The following LGALS3 variants were observed in gnomAD, a reference collection of about 807,000 sequenced individuals.
The protein encoded by LGALS3 is galectin 3, also known as galectin-3.
In LGALS3, 18 loss-of-function variants were observed where a neutral mutation model predicts 20.7. The ratio of observed to expected loss-of-function variants is 0.87; its 90% confidence interval spans 0.60 to 1.29. The LOEUF (loss-of-function observed/expected upper bound fraction) is 1.29, where lower values mean the gene tolerates loss of function less well. LGALS3 is among the 50% of genes most tolerant of loss of function. The probability of loss-of-function intolerance (pLI) is 0.00; values close to 1 mark genes in which losing one functional copy is unlikely to be tolerated. For synonymous variants in LGALS3, 112 were observed against 119.6 expected (o/e 0.94, Z 0.42); for missense variants, 315 against 314.7 (o/e 1.00, Z -0.01).
chr14:55,139,974 G>A (rs1442453533), intron 3 of LGALS3, among the ~76,000 whole-genome samples: 1 of 152,168 alleles, frequency 6.6e-6, no homozygotes, highest in African/African-American at 2.4e-5. Context: ...ATACAAAAAT[G>A]TTAATGTTGA....
At chr14:55,137,472 T>C in intron 2 of LGALS3, 81 bp downstream of exon 2, 1 of 1,613,878 alleles carries the variant, frequency 6.2e-7, no homozygotes, top group Non-Finnish European at 8.5e-7. Context: ...ACCATGACTT[T>C]CCCTTTTCAC....
intron 5 of LGALS3, among the ~76,000 whole-genome samples, chr14:55,144,833 G>A (rs954074610): frequency 3.9e-5 from 6 of 152,128 alleles, no homozygotes; most frequent in Admixed American, 1.3e-4. Context: ...CAAAGTGCTG[G>A]GATTACAGGC....
intron 1 of LGALS3, among the ~76,000 whole-genome samples, chr14:55,130,312 C>G (rs1881188226): frequency 6.6e-6 from 1 of 152,192 alleles, no homozygotes; most frequent in Non-Finnish European, 1.5e-5. Flanking sequence ...CAGCCTTACC[C>G]TTCAAGTTCG....
intron 1 of LGALS3, among the ~76,000 whole-genome samples, chr14:55,132,655 C>A (rs1362835814): frequency 3.9e-5 from 6 of 152,134 alleles, no homozygotes; most frequent in Admixed American, 3.3e-4. Flanking sequence ...GCAACCTCTG[C>A]CTCCCGGGTT....
At chr14:55,132,922 A>G (rs371559954) in intron 1 of LGALS3, among the ~76,000 whole-genome samples, 23 of 152,334 alleles carry the variant, frequency 1.5e-4, no homozygotes, top group African/African-American at 5.5e-4. Flanking sequence ...GGCATACCCA[A>G]TTTTTGGAAA....
chr14:55,129,806 C>T lies in LGALS3; in HGVS notation c.-5+506C>T, dbSNP rs1018325373. Among the ~76,000 whole-genome samples, 7 of 152,216 alleles carry T rather than the reference C, an allele frequency of 4.6e-5. No homozygotes were observed. Among genetic ancestry groups the T allele is most frequent in the African/African-American group, 1.7e-4 (7 of 41,456 alleles). On this transcript the variant is annotated intron_variant, in intron 1 of 5. Coordinates refer to ENST00000254301, the MANE Select transcript of LGALS3 (RefSeq NM_002306.4). The surrounding 1 kb of genome is among the most constrained non-coding windows in gnomAD (Gnocchi z 5.3). ...GTCACCCTTCCCCAGATCACGGCCG[C>T]GGGGGAGCGAAGGGACTTCCCAGGA... is the stretch of plus-strand genomic sequence containing the variant.
intron 1 of LGALS3, among the ~76,000 whole-genome samples, chr14:55,132,315 T>C (rs574731654): frequency 2.9e-4 from 44 of 152,192 alleles, no homozygotes; most frequent in East Asian, 7.7e-4. Context: ...TTTTTTTTTT[T>C]CCCCTCTGAC....
chr14:55,134,580 C>G (rs894293998), intron 1 of LGALS3, among the ~76,000 whole-genome samples: 32 of 152,116 alleles, frequency 2.1e-4, no homozygotes, highest in African/African-American at 7.2e-4. Flanking sequence ...TTTTCCTTTT[C>G]TGTAACAACT....
intron 1 of LGALS3, among the ~76,000 whole-genome samples, chr14:55,131,373 T>C (rs190233052): frequency 4.6e-5 from 7 of 152,372 alleles, no homozygotes; most frequent in East Asian, 1.9e-4. Context: ...AAGAGGCTAA[T>C]GCTGGTCTCA....
At chr14:55,138,475 G>C (rs748313605) in intron 3 of LGALS3, 107 bp downstream of exon 3, 1 of 1,173,006 alleles carries the variant, frequency 8.5e-7, no homozygotes, top group Non-Finnish European at 1.3e-6. Flanking sequence ...CCAGCCATGG[G>C]TGTATGTTGG....
At chr14:55,140,428 T>C in intron 4 of LGALS3, 65 bp downstream of exon 4, 1 of 1,002,542 alleles carries the variant, frequency 1.0e-6, no homozygotes, top group Non-Finnish European at 1.5e-6. Flanking sequence ...AAGAATGGCC[T>C]ACTTTTTTTC....
At chr14:55,135,726 G>A (rs895277785) in intron 1 of LGALS3, among the ~76,000 whole-genome samples, 1 of 151,322 alleles carries the variant, frequency 6.6e-6, no homozygotes, top group Non-Finnish European at 1.5e-5. Flanking sequence ...CACCACACCC[G>A]GCTAATTTTT....
At chr14:55,130,753 T>C (rs56126187) in intron 1 of LGALS3, among the ~76,000 whole-genome samples, 8 of 60,890 alleles carry the variant, frequency 1.3e-4, no homozygotes, top group African/African-American at 4.0e-4. Context: ...GTGGTGGTGG[T>C]GGGGGGGGGG....
At chr14:55,137,156 CG>C (rs1881422755) in intron 1 of LGALS3, 1 of 622,096 alleles carries the variant, frequency 1.6e-6, no homozygotes, top group Non-Finnish European at 2.9e-6. Context: ...GCTAGTGTGA[CG>C]GAAGTTTAAA....
rs201865041 is a variant in LGALS3, at chr14:55,142,637, G to A, written c.485G>A (p.Arg162His). The A allele has an allele frequency of 2.2e-5, 35 of 1,613,396 alleles. No individual in the cohort carries two copies. The highest frequency in any genetic ancestry group is 2.6e-5 in the Non-Finnish European group (31 of 1,179,526). ...GATGTTGCCTTCCACTTTAACCCAC[G>A]CTTCAATGAGAACAACAGGAGAGTC... ...GNDVAFHFNP[R>H]FNENNRRVIV... Residue 162 changes from arginine (R) to histidine (H), a missense_variant, in exon 5 of 6, where the codon CGC becomes CAC. Arg to His is a conservative substitution (Grantham distance 29). Transcript: ENST00000254301.
At chr14:55,135,640 C>T (rs184467201) in intron 1 of LGALS3, among the ~76,000 whole-genome samples, 1 of 146,898 alleles carries the variant, frequency 6.8e-6, no homozygotes, top group African/African-American at 2.6e-5. Flanking sequence ...TCACAGCTCA[C>T]TGCAGCCTTG....
In LGALS3 at chr14:55,142,582, A is replaced by T. The variant is rs757563943; in HGVS notation, c.432-2A>T. The T allele has an allele frequency of 6.2e-7, 1 of 1,611,908 alleles. No homozygotes were observed. Among genetic ancestry groups the T allele is most frequent in the Admixed American group, 1.7e-5 (1 of 59,992 alleles). ...TAATAACTGGTCTTTGGTTTAAAAC[A>T]GAATTGCTTTAGATTTCCAAAGAGG... On this transcript the variant is annotated splice_acceptor_variant, in intron 4 of 5. Coordinates refer to ENST00000254301, the MANE Select transcript of LGALS3 (RefSeq NM_002306.4). LOFTEE classifies it high-confidence loss of function.
At chr14:55,135,147 C>A (rs914515238) in intron 1 of LGALS3, among the ~76,000 whole-genome samples, 10 of 151,348 alleles carry the variant, frequency 6.6e-5, no homozygotes, top group African/African-American at 2.2e-4. Context: ...CAGAACAAGA[C>A]CCTGTCTAAA....
rs1007813454 is a variant in LGALS3 at position 55,129,787 on chromosome 14, C to T, written c.-5+487C>T. Among the ~76,000 whole-genome samples, 17 of 152,252 alleles carry T rather than the reference C, an allele frequency of 1.1e-4. No individual in the cohort carries two copies. The highest frequency in any genetic ancestry group is 4.1e-4 in the South Asian group (2 of 4,838). ...TAATTGGGGTTGGAGCCCCGTCACC[C>T]TTCCCCAGATCACGGCCGCGGGGGA... On this transcript the variant is annotated intron_variant, in intron 1 of 5. Transcript: ENST00000254301. The surrounding 1 kb of genome is among the most constrained non-coding windows in gnomAD (Gnocchi z 5.3).
Sources: allele counts gnomAD v4.1 joint callset (sites outside exome capture counted in the v4.1 genomes callset), GRCh38; gene constraint gnomAD v4.1.1; non-coding constraint Gnocchi (gnomAD v3.1); transcripts MANE v1.5; gene names NCBI Gene and HGNC (gene_info 2026-07-23, HGNC 2026-07-21).